The following CCNF variants were observed in gnomAD, a reference collection of about 807,000 sequenced individuals.
CCNF encodes cyclin-F.
In CCNF, 30 loss-of-function variants were observed where a neutral mutation model predicts 85.4. The ratio of observed to expected loss-of-function variants is 0.35; its 90% CI spans 0.26 to 0.48. The LOEUF (loss-of-function observed/expected upper bound fraction) is 0.48, where lower values mean the gene tolerates loss of function less well. CCNF is among the 20% of genes least tolerant of loss of function. CCNF has a pLI of 0.99. For missense variants in CCNF, 919 were observed against 1,010.4 expected, an observed-to-expected ratio of 0.91 and a Z score of 1.23; for synonymous variants, 439 against 425.1, an observed-to-expected ratio of 1.03 and a Z score of -0.40.
intron 8 of CCNF, among the ~76,000 whole-genome samples, chr16:2,441,979 A>ATATATG (rs2065325102): frequency 3.1e-5 from 3 of 97,774 alleles, no homozygotes; most frequent in Admixed American, 1.0e-4. Context: ...ATATATATAT[A>ATATATG]TATGTTTTTG....
intron 1 of CCNF, among the ~76,000 whole-genome samples, chr16:2,430,014 A>G (rs965524832): frequency 2.0e-5 from 3 of 152,190 alleles, no homozygotes; most frequent in African/African-American, 7.2e-5. Flanking sequence ...TTATCATAGT[A>G]TCTGTCCTGG....
intron 5 of CCNF, 70 bp from the exon 6 acceptor site, chr16:2,438,000 G>C (rs2065300652): frequency 2.8e-6 from 3 of 1,065,856 alleles, no homozygotes; most frequent in Admixed American, 1.7e-5. Context: ...CCCAAAGACA[G>C]ACAAGGGAGT....
At chr16:2,445,853 G>A (rs1451309572) in intron 10 of CCNF, among the ~76,000 whole-genome samples, 2 of 151,806 alleles carry the variant, frequency 1.3e-5, no homozygotes, top group Non-Finnish European at 2.9e-5. Context: ...TCAGCCTCCA[G>A]AGTAGCTGGG....
intron 6 of CCNF, among the ~76,000 whole-genome samples, chr16:2,438,851 A>C (rs2065305887): frequency 6.6e-6 from 1 of 151,468 alleles, no homozygotes; most frequent in African/African-American, 2.4e-5. Flanking sequence ...CACAAAAATT[A>C]GCCGGGCATG....
chr16:2,437,262 C>A lies in CCNF; in HGVS notation c.480C>A (p.Ser160Arg). The change falls in exon 5 of 17, where the codon AGC becomes AGA. Residue 160 changes from serine (S) to arginine (R), a missense_variant. Transcript: ENST00000397066. ...TCATCCGCCCTCCGTGGTCGGTGAG[C>A]GGAAGCTGCTGCAAGGCCGTGGTTC... ...WLFIRPPWSV[S>R]GSCCKAVVHE... is the part of the protein sequence containing the mutation. 1 of 1,610,318 alleles carries A rather than the reference C, an allele frequency of 6.2e-7. No individual in the cohort carries two copies.
intron 4 of CCNF, 140 bp from the exon 5 acceptor site, chr16:2,436,989 A>AG (rs2065294360): frequency 3.5e-6 from 2 of 566,822 alleles, no homozygotes; most frequent in Non-Finnish European, 5.7e-6. Flanking sequence ...CCCATCCTGG[A>AG]GGGCTCTACT....
In CCNF at chr16:2,444,835, G is replaced by A. The variant is rs538046634; in HGVS notation, c.930-623G>A. Among the ~76,000 whole-genome samples the A allele has an allele frequency of 4.6e-5, 7 of 151,604 alleles. No homozygotes were observed. The East Asian group carries it at 1.4e-3, about 29-fold the overall frequency. On this transcript the variant is annotated intron_variant, in intron 9 of 16. Coordinates refer to ENST00000397066, the MANE Select transcript of CCNF (RefSeq NM_001761.3). ...TAGTCTTGAACTCCTGGGCTCAAGC[G>A]AACCTCCTGCCCCAGCCTCCCACAG...
chr16:2,440,897 C>G (rs1395546570), intron 8 of CCNF, among the ~76,000 whole-genome samples: 2 of 152,042 alleles, frequency 1.3e-5, no homozygotes, highest in Non-Finnish European at 2.9e-5. Flanking sequence ...AAGACCAGCT[C>G]TGGCAACATA....
chr16:2,430,555 T>G (rs2065257273), intron 1 of CCNF, among the ~76,000 whole-genome samples: 1 of 152,136 alleles, frequency 6.6e-6, no homozygotes, highest in South Asian at 2.1e-4. Flanking sequence ...CAACTCCGCA[T>G]TCTACAATAG....
chr16:2,455,254 C>T (rs994461457), intron 15 of CCNF, 141 bp from the exon 16 acceptor site: 17 of 1,134,750 alleles, frequency 1.5e-5, no homozygotes, highest in African/African-American at 3.1e-5. Flanking sequence ...CTAGCTTCAC[C>T]GGCATCTTCT....
chr16:2,445,726 G>GT (rs141290345), intron 10 of CCNF, 104 bp downstream of exon 10: 52,207 of 823,984 alleles, frequency 0.063, 759 homozygotes, highest in East Asian at 0.12. Flanking sequence ...TTTGTTTTGT[G>GT]TTGTTTTTTT....
At position 2,437,215 on chromosome 16, in the gene CCNF, G is replaced by C. The variant is rs1162467280; in HGVS notation, c.433G>C (p.Ala145Pro). 6.2e-7 allele frequency: 1 copy of C among 1,613,174 alleles called. No homozygotes were observed. The highest frequency in any genetic ancestry group is 8.5e-7 in the Non-Finnish European group (1 of 1,179,602). The change falls in exon 5 of 17, where the codon GCC becomes CCC. Residue 145 changes from alanine to proline, a missense_variant. Ala to Pro is a conservative substitution (Grantham distance 27, BLOSUM62 -1). Transcript: ENST00000397066. ...TCTCGCTGAGCGGCTGAATGTGGGT[G>C]CCGCACCTTTCATCTGGCTCTTCAT... Reference protein sequence around the residue: ...FSLAERLNVGAAPFIWLFIRP... With the variant: ...FSLAERLNVGPAPFIWLFIRP...
In CCNF at chr16:2,455,471, G is replaced by A; in HGVS notation, c.1792G>A (p.Glu598Lys). 6.2e-7 allele frequency: 1 copy of A among 1,605,154 alleles called. No individual in the cohort carries two copies. Among genetic ancestry groups the A allele is most frequent in the Non-Finnish European group, 8.5e-7 (1 of 1,173,108 alleles). ...TPTAELSSQEETLLGSFLDWS... is the reference protein window; with the variant it reads ...TPTAELSSQEKTLLGSFLDWS... ...CACTGCGGAGCTGTCCAGCCAGGAG[G>A]AGACGCTGCTGGGCAGCTTCCTCGA... Residue 598 changes from glutamate to lysine, a missense_variant, in exon 16 of 17, where the codon GAG becomes AAG. By Grantham distance (56) the Glu-to-Lys change is moderately conservative (BLOSUM62 1). Coordinates refer to ENST00000397066, the MANE Select transcript of CCNF (RefSeq NM_001761.3).
chr16:2,454,841 C>G (rs1001764424), intron 15 of CCNF, among the ~76,000 whole-genome samples: 3 of 152,102 alleles, frequency 2.0e-5, no homozygotes, highest in African/African-American at 7.2e-5. Flanking sequence ...GGGCGGATCA[C>G]CTGAAGTTAG....
In CCNF at chr16:2,449,866, T is replaced by A; in HGVS notation, c.1438T>A (p.Phe480Ile). 1.3e-6 allele frequency: 2 copies of A among 1,515,916 alleles called. No individual in the cohort carries two copies. Among genetic ancestry groups the A allele is most frequent in the Non-Finnish European group, 1.8e-6 (2 of 1,126,948 alleles). 93.9% of individuals were successfully genotyped at this position (1,515,916 alleles called of 1,614,324 possible). A position where few individuals can be genotyped will look rare whatever the true frequency, so the allele number is the denominator to read the frequency against. ...CACTCAGCTGTGGGACCTCACCGGA[T>A]TCTCCTATGAAGACCTCATTCCCTG... Reference protein sequence around the residue: ...WTTQLWDLTGFSYEDLIPCVL... With the variant: ...WTTQLWDLTGISYEDLIPCVL... The change falls in exon 13 of 17, where the codon TTC (phenylalanine) becomes ATC (isoleucine). Residue 480 changes from phenylalanine (F) to isoleucine (I), a missense_variant. Coordinates refer to ENST00000397066, the MANE Select transcript of CCNF (RefSeq NM_001761.3).
chr16:2,453,935 G>A lies in CCNF; in HGVS notation c.1715+398G>A, dbSNP rs971293154. On this transcript the variant is annotated intron_variant, in intron 15 of 16. Coordinates refer to ENST00000397066, the MANE Select transcript of CCNF (RefSeq NM_001761.3). The surrounding 1 kb of genome is among the most constrained non-coding windows in gnomAD (Gnocchi z 5.6). The stretch of plus-strand genomic sequence containing the variant: ...GAGTCACATCCCCAGCACTTCCCTC[G>A]CCACCCGTGTGGACCTGTTTACCCG... Among the ~76,000 whole-genome samples, 9 of 152,068 alleles carry A rather than the reference G, an allele frequency of 5.9e-5. No individual in the cohort carries two copies. In the South Asian group the frequency reaches 6.2e-4, roughly 11 times the overall value.
intron 15 of CCNF, among the ~76,000 whole-genome samples, chr16:2,454,606 G>A (rs977103492): frequency 2.0e-5 from 3 of 152,242 alleles, no homozygotes; most frequent in East Asian, 1.9e-4. Context: ...CTCAGCTGGT[G>A]TGGCGGCTTT....
At chr16:2,436,125 G>A in intron 4 of CCNF, 1 of 415,248 alleles carries the variant, frequency 2.4e-6, no homozygotes, top group East Asian at 4.1e-5. Flanking sequence ...TTGGCAAAGA[G>A]TGACTGAGCC....
chr16:2,449,718 C>T, intron 12 of CCNF, 110 bp from the exon 13 acceptor site: 1 of 799,754 alleles, frequency 1.3e-6, no homozygotes, highest in East Asian at 2.5e-5. Flanking sequence ...GCAGAGCCCA[C>T]AGAGCTATAG....
Sources: gnomAD v4.1 joint callset for allele counts (sites outside exome capture counted in the v4.1 genomes callset) on GRCh38, gnomAD v4.1.1 for gene constraint, Gnocchi (gnomAD v3.1) non-coding constraint, MANE v1.5 for transcripts, NCBI Gene and HGNC (gene_info 2026-07-23, HGNC 2026-07-21) for gene names.